ZSCAN5A: variants seen among roughly 807,000 people sequenced by gnomAD.
ZSCAN5A encodes zinc finger and SCAN domain containing 5A.
In ZSCAN5A, 12 loss-of-function variants were observed where a neutral mutation model predicts 23.7. That is an observed-to-expected ratio of 0.51 (90% CI 0.32 to 0.82). ZSCAN5A has a LOEUF of 0.82. Among genes scored for constraint, ZSCAN5A ranks in the 40% least tolerant of loss-of-function variants. ZSCAN5A has a pLI of 0.03. For missense variants in ZSCAN5A, 597 were observed against 617.9 expected (o/e 0.97, Z 0.36); for synonymous variants, 257 against 239.9 (o/e 1.07, Z -0.66).
chr19:56,297,789 G>A (rs1444022332), intron 2 of ZSCAN5A: 1 of 152,214 alleles, frequency 6.6e-6, no homozygotes, highest in East Asian at 1.9e-4. Flanking sequence ...CTGCTTCTGT[G>A]GACTGTGAGT....
chr19:56,365,247 A>G (rs2147472479), intron 1 of ZSCAN5A, among the ~76,000 whole-genome samples: 1 of 152,318 alleles, frequency 6.6e-6, no homozygotes. Context: ...GCTATAGAAA[A>G]AAGATGAGAT....
rs773946102 is a variant in ZSCAN5A at position 56,284,207 on chromosome 19, G to T, written c.-128+29076C>A. 1.3e-5 allele frequency: 13 copies of T among 980,968 alleles called. No homozygotes were observed. In the South Asian group the frequency reaches 3.3e-4, roughly 25 times the overall value. 60.8% of individuals were successfully genotyped at this position (980,968 alleles called of 1,614,324 possible). The stretch of plus-strand genomic sequence containing the variant: ...GATGGGCTGCCATCAGGGATCATAG[G>T]TAAGTACCTTGCCACTTCACAATGC... On this transcript the variant is annotated intron_variant, in intron 2 of 5. Transcript: ENST00000683990.
At chr19:56,222,536 C>T in intron 5 of ZSCAN5A, 55 bp downstream of exon 5, 1 of 1,593,544 alleles carries the variant, frequency 6.3e-7, no homozygotes. Flanking sequence ...GGCCCCCAGC[C>T]CCGCACCCCA....
chr19:56,299,478 G>A (rs2040091487), intron 2 of ZSCAN5A, among the ~76,000 whole-genome samples: 1 of 151,840 alleles, frequency 6.6e-6, no homozygotes, highest in African/African-American at 2.4e-5. Flanking sequence ...GCTAGGAGTA[G>A]AGAGAACAGC....
At chr19:56,245,356 TC>T (rs2035794948) in intron 2 of ZSCAN5A, 4 of 752,496 alleles carry the variant, frequency 5.3e-6, no homozygotes, top group Non-Finnish European at 9.9e-6. Flanking sequence ...ATGAGATGCG[TC>T]CGGGGGAAGG....
At chr19:56,334,646 A>T (rs1056009859) in intron 2 of ZSCAN5A, among the ~76,000 whole-genome samples, 1 of 152,312 alleles carries the variant, frequency 6.6e-6, no homozygotes, top group South Asian at 2.1e-4. Context: ...GCAGAATTCC[A>T]TCTTTGCTAT....
intron 2 of ZSCAN5A, among the ~76,000 whole-genome samples, chr19:56,360,008 G>A (rs548147128): frequency 9.9e-5 from 15 of 152,118 alleles, no homozygotes; most frequent in African/African-American, 2.7e-4. Context: ...CCTTGAAAAC[G>A]GGCACAAGAA....
chr19:56,224,495 C>T (rs1221827193), intron 3 of ZSCAN5A, 168 bp downstream of exon 3: 16 of 1,010,538 alleles, frequency 1.6e-5, no homozygotes, highest in Non-Finnish European at 2.2e-5. Flanking sequence ...TCCTCCCTGA[C>T]AACAAAAACT....
intron 2 of ZSCAN5A, among the ~76,000 whole-genome samples, chr19:56,229,760 T>C (rs1465019606): frequency 6.6e-6 from 1 of 152,212 alleles, no homozygotes; most frequent in Non-Finnish European, 1.5e-5. Flanking sequence ...TTTTTTGTTT[T>C]TTTTCATTAG....
At chr19:56,364,856 GA>G (rs1443292419) in intron 1 of ZSCAN5A, 2 of 152,194 alleles carry the variant, frequency 1.3e-5, no homozygotes, top group Admixed American at 6.5e-5. Context: ...CTGGCAAAAT[GA>G]ATCTATGGGA....
At chr19:56,303,626 C>T (rs1431742646) in intron 2 of ZSCAN5A, among the ~76,000 whole-genome samples, 1 of 152,004 alleles carries the variant, frequency 6.6e-6, no homozygotes, top group Admixed American at 6.6e-5. Flanking sequence ...GTGTAGAGGA[C>T]CCATCCTAGA....
intron 2 of ZSCAN5A, among the ~76,000 whole-genome samples, chr19:56,234,872 C>T (rs2034753682): frequency 6.6e-6 from 1 of 152,242 alleles, no homozygotes; most frequent in Non-Finnish European, 1.5e-5. Flanking sequence ...GCCCTTCCTT[C>T]TACAACTCGG....
At chr19:56,269,441 T>C (rs1296548926) in intron 2 of ZSCAN5A, among the ~76,000 whole-genome samples, 1 of 152,182 alleles carries the variant, frequency 6.6e-6, no homozygotes, top group Admixed American at 6.5e-5. Context: ...TCCCTGAAGA[T>C]ACCCACATCT....
chr19:56,272,262 C>A (rs2037903716), intron 2 of ZSCAN5A, among the ~76,000 whole-genome samples: 1 of 152,194 alleles, frequency 6.6e-6, no homozygotes, highest in Non-Finnish European at 1.5e-5. Context: ...TACAGTACGT[C>A]TAGGACAGGG....
intron 2 of ZSCAN5A, among the ~76,000 whole-genome samples, chr19:56,308,360 G>A (rs1028779383): frequency 7.0e-6 from 1 of 143,744 alleles, no homozygotes; most frequent in African/African-American, 2.6e-5. Flanking sequence ...GGCTCACTCT[G>A]TCACCCAGGC....
At chr19:56,243,063 G>A (rs1458069269) in intron 2 of ZSCAN5A, among the ~76,000 whole-genome samples, 4 of 152,178 alleles carry the variant, frequency 2.6e-5, no homozygotes, top group African/African-American at 7.2e-5. Flanking sequence ...ACAGGCATGA[G>A]CCACCACACC....
chr19:56,264,950 C>T lies in ZSCAN5A; in HGVS notation c.-127-39777G>A, dbSNP rs190539288. ...CAGCCTGGCAGACATGGTGAAACCCCGTATCTACTACAAATACAAAAATTA... is the reference window on the plus strand; with the variant it reads ...CAGCCTGGCAGACATGGTGAAACCCTGTATCTACTACAAATACAAAAATTA... On this transcript the variant is annotated intron_variant, in intron 2 of 5. Coordinates refer to ENST00000683990, the MANE Select transcript of ZSCAN5A (RefSeq NM_001322064.3). Among the ~76,000 whole-genome samples the T allele has an allele frequency of 3.3e-4, 50 of 152,070 alleles. 1 individual carries two copies. In the East Asian group the frequency reaches 5.8e-3, roughly 18 times the overall value.
At chr19:56,241,045 T>C (rs2035389700) in intron 2 of ZSCAN5A, among the ~76,000 whole-genome samples, 1 of 152,222 alleles carries the variant, frequency 6.6e-6, no homozygotes, top group East Asian at 1.9e-4. Context: ...GGATTTTCCC[T>C]TTCCACAGGG....
intron 2 of ZSCAN5A, among the ~76,000 whole-genome samples, chr19:56,251,268 T>C (rs2036320131): frequency 6.6e-6 from 1 of 152,108 alleles, no homozygotes; most frequent in African/African-American, 2.4e-5. Flanking sequence ...TTCTCCATGA[T>C]GTTTAATTTT....
Sources: allele counts gnomAD v4.1 joint callset (sites outside exome capture counted in the v4.1 genomes callset), GRCh38; gene constraint gnomAD v4.1.1; transcripts MANE v1.5; gene names NCBI Gene and HGNC (gene_info 2026-07-23, HGNC 2026-07-21).